SUV39H1: variants seen among roughly 807,000 people sequenced by gnomAD.
SUV39H1 encodes the protein histone-lysine N-methyltransferase SUV39H1.
For synonymous variants in SUV39H1, 141 were observed against 150.5 expected (o/e 0.94, Z 0.46); for missense variants, 180 against 386.3 (o/e 0.47, Z 4.48).
Position 48,696,770 on chromosome X carries a change from T to C in SUV39H1, c.-15T>C. ...GAGGCCGGCTAGGCCCGAATGTCGT[T>C]AGCCGTGGGGAAAGATGGCGGAAAA... On this transcript the variant is annotated 5_prime_UTR_variant, in exon 1 of 6. Transcript: ENST00000376687. 2 of 1,138,693 alleles carry C rather than the reference T, an allele frequency of 1.8e-6. No individual in the cohort carries two copies. The highest frequency in any genetic ancestry group is 2.3e-6 in the Non-Finnish European group (2 of 860,156). The allele number at this position is 1,138,693 out of a possible 1,213,427, so 93.8% of individuals were successfully genotyped here. A position where few individuals can be genotyped will look rare whatever the true frequency, so the allele number is the denominator to read the frequency against.
intron 3 of SUV39H1, among the ~76,000 whole-genome samples, chrX:48,703,590 C>T (rs1204946199): frequency 3.6e-5 from 4 of 112,417 alleles, no homozygotes; most frequent in African/African-American, 6.5e-5. Flanking sequence ...CATTTTCTTC[C>T]TATTTTAACA....
At chrX:48,696,870 C>T in intron 1 of SUV39H1, 67 bp downstream of exon 1, 2 of 926,418 alleles carry the variant, frequency 2.2e-6, no homozygotes, top group Non-Finnish European at 2.8e-6. Flanking sequence ...GGTGGCGTTG[C>T]CGGCTCGGGG....
In SUV39H1 at chrX:48,697,930, C is replaced by G. The variant is rs782681644; in HGVS notation, c.20-972C>G. ...GGTATATTTAAAAGAATCAGTGTCA[C>G]TAATCTGTACCGCTTTGCGTATAAA... On this transcript the variant is annotated intron_variant, in intron 1 of 5. Transcript: ENST00000376687. 1.2e-4 allele frequency among the ~76,000 whole-genome samples: 14 copies of G among 112,454 alleles called. No individual in the cohort carries two copies. The South Asian group carries it at 3.6e-3, about 29-fold the overall frequency.
chrX:48,706,169 G>A (rs1243524168), intron 3 of SUV39H1, 96 bp from the exon 4 acceptor site: 5 of 1,077,033 alleles, frequency 4.6e-6, no homozygotes, highest in Non-Finnish European at 6.2e-6. Flanking sequence ...ACGGGCAGGG[G>A]TGCCTCCTGC....
chrX:48,704,704 C>T (rs1557009850), intron 3 of SUV39H1, among the ~76,000 whole-genome samples: 1 of 112,036 alleles, frequency 8.9e-6, no homozygotes. Flanking sequence ...TCCATTCCCC[C>T]TCAAGCCCTA....
chrX:48,707,133 A>G (rs1272668429), intron 5 of SUV39H1, among the ~76,000 whole-genome samples: 1 of 98,634 alleles, frequency 1.0e-5, no homozygotes, highest in East Asian at 3.3e-4. Flanking sequence ...ACCTAAAACG[A>G]CCCTCCTGGT....
upstream of SUV39H1, chrX:48,695,924 G>C: frequency 8.7e-7 from 1 of 1,144,111 alleles, no homozygotes; most frequent in African/African-American, 1.8e-5. Flanking sequence ...TTGCTTTGAG[G>C]GCCTAGCTGG....
chrX:48,696,849 T>C (rs782418635), intron 1 of SUV39H1, 46 bp downstream of exon 1: 5 of 1,039,527 alleles, frequency 4.8e-6, no homozygotes, highest in Non-Finnish European at 6.3e-6. Context: ...CCGGGCCGGG[T>C]GGGCTGGAGG....
Position 48,698,981 on chromosome X carries a change from C to T in SUV39H1, c.99C>T (p.Leu33=), listed in dbSNP as rs1364465577. ...TGGCCAAGCTCTCCTGCCCTGCCCT[C>T]GGTATCTCTAAGAGGAACCTCTATG... ...CRLAKLSCPA[L]GISKRNLYDF... is the part of the protein sequence containing the mutation. The change falls in exon 2 of 6, where the codon CTC becomes CTT. Residue 33 remains leucine (L), a synonymous_variant. Transcript: ENST00000376687. 3 of 1,210,402 alleles carry T rather than the reference C, an allele frequency of 2.5e-6. No homozygotes were observed. The highest frequency in any genetic ancestry group is 3.4e-6 in the Non-Finnish European group (3 of 894,786).
Position 48,706,647 on chromosome X carries a change from G to A in SUV39H1, c.1105+20G>A. 1 of 1,187,795 alleles carries A rather than the reference G, an allele frequency of 8.4e-7. No homozygotes were observed. The highest frequency in any genetic ancestry group is 1.1e-6 in the Non-Finnish European group (1 of 880,757). On this transcript the variant is annotated intron_variant, in intron 5 of 5. Transcript: ENST00000376687. ...TGCAAGGTGGGGGTGGCAAGGGACT[G>A]GGGGCAGGGGCGCACTGTGACTTGG... is the stretch of plus-strand genomic sequence containing the variant.
intron 2 of SUV39H1, 24 bp from the exon 3 acceptor site, chrX:48,700,067 C>CG: frequency 6.2e-6 from 7 of 1,134,384 alleles, no homozygotes; most frequent in Non-Finnish European, 7.1e-6. Flanking sequence ...ACGGTACCCC[C>CG]GTCCCCCTAC....
intron 1 of SUV39H1, among the ~76,000 whole-genome samples, chrX:48,697,566 G>A (rs2062460814): frequency 9.0e-6 from 1 of 111,519 alleles, no homozygotes; most frequent in African/African-American, 3.3e-5. Flanking sequence ...GCTGTAGGGA[G>A]AGGAAAGCGT....
chrX:48,705,873 C>T (rs1311415562), intron 3 of SUV39H1, among the ~76,000 whole-genome samples: 1 of 112,529 alleles, frequency 8.9e-6, no homozygotes, highest in Non-Finnish European at 1.9e-5. Flanking sequence ...CCTGTGGCAC[C>T]CTGGGTCACT....
intron 5 of SUV39H1, 85 bp downstream of exon 5, chrX:48,706,712 A>C: frequency 9.4e-7 from 1 of 1,060,681 alleles, no homozygotes; most frequent in Non-Finnish European, 1.3e-6. Flanking sequence ...AGTCACTCAG[A>C]GAACCAAGGA....
At chrX:48,695,806 G>A (rs782113866), upstream of SUV39H1, 1 of 1,156,128 alleles carries the variant, frequency 8.6e-7, no homozygotes, top group South Asian at 1.9e-5. Flanking sequence ...CATCAGAGGA[G>A]ACTGACTTGA....
At chrX:48,701,615 G>A (rs781991306) in intron 3 of SUV39H1, among the ~76,000 whole-genome samples, 1 of 111,605 alleles carries the variant, frequency 9.0e-6, no homozygotes, top group Admixed American at 9.6e-5. Flanking sequence ...TGCAAGAGAG[G>A]CAACAGGATG....
At chrX:48,698,621 A>G (rs1557008987) in intron 1 of SUV39H1, among the ~76,000 whole-genome samples, 1 of 111,704 alleles carries the variant, frequency 9.0e-6, no homozygotes, top group East Asian at 2.8e-4. Context: ...TAGGAATGAC[A>G]TGGAGTTTGA....
At chrX:48,705,815 G>A (rs187288270) in intron 3 of SUV39H1, among the ~76,000 whole-genome samples, 79 of 111,949 alleles carry the variant, frequency 7.1e-4, no homozygotes, top group African/African-American at 2.5e-3. Flanking sequence ...TCCCTGCTGG[G>A]TCCTGCATGG....
intron 3 of SUV39H1, 84 bp downstream of exon 3, chrX:48,700,837 C>G (rs1557009367): frequency 9.4e-7 from 1 of 1,060,343 alleles, no homozygotes. Context: ...CACTGTGTGT[C>G]TGAAACTCCC....
Sources: gnomAD v4.1 joint callset for allele counts (sites outside exome capture counted in the v4.1 genomes callset) on GRCh38, gnomAD v4.1.1 for gene constraint, MANE v1.5 for transcripts, NCBI Gene and HGNC (gene_info 2026-07-23, HGNC 2026-07-21) for gene names.